The following RASL12 variants were observed in gnomAD, a reference collection of about 807,000 sequenced individuals.
RASL12 encodes the protein RAS like family 12.
A neutral mutation model predicts 22.9 loss-of-function variants in RASL12; 16 were observed. That is an observed-to-expected ratio of 0.70 (90% CI 0.47 to 1.06). RASL12 has a LOEUF of 1.06. RASL12 is among the 50% of genes least tolerant of loss of function. The pLI is 0.00. For synonymous variants in RASL12, 159 were observed against 152.2 expected (o/e 1.04, Z -0.33); for missense variants, 306 against 353.1 (o/e 0.87, Z 1.07).
intron 1 of RASL12, among the ~76,000 whole-genome samples, chr15:65,076,225 C>T (rs1026267444): frequency 1.2e-4 from 18 of 152,202 alleles, no homozygotes; most frequent in African/African-American, 3.9e-4. Context: ...TATTCTTTTC[C>T]TCTTTGCAAT....
At chr15:65,052,904 G>A (rs1191696071), downstream of RASL12, 4 of 1,532,084 alleles carry the variant, frequency 2.6e-6, no homozygotes, top group East Asian at 9.0e-5. Flanking sequence ...AGCCATTTGG[G>A]CGACCCAGTC....
At chr15:65,052,937 C>A (rs373294508), downstream of RASL12, 9 of 1,558,240 alleles carry the variant, frequency 5.8e-6, 1 homozygote, top group South Asian at 4.5e-5. Flanking sequence ...CTCAGCCCCC[C>A]TCATTAACAC....
At chr15:65,051,730 T>A (rs1251135542), downstream of RASL12, 4 of 783,752 alleles carry the variant, frequency 5.1e-6, no homozygotes, top group Non-Finnish European at 8.4e-6. Context: ...ACAGCAAAAT[T>A]CAGCCTTCAG....
Position 65,053,578 on chromosome 15 carries a change from G to C in RASL12, c.*1321C>G. 3 of 1,003,728 alleles carry C rather than the reference G, an allele frequency of 3.0e-6. No homozygotes were observed. Among genetic ancestry groups the C allele is most frequent in the Non-Finnish European group, 3.6e-6 (3 of 841,534 alleles). The allele number at this position is 1,003,728 out of a possible 1,614,324, so 62.2% of individuals were successfully genotyped here. A position where few individuals can be genotyped will look rare whatever the true frequency, so the allele number is the denominator to read the frequency against. On this transcript the variant is annotated 3_prime_UTR_variant, in exon 5 of 5. Transcript: ENST00000220062. The stretch of plus-strand genomic sequence containing the variant: ...CCTCCATTTACAGAATGAGTCCGAA[G>C]ACTGGGTCAGAGATGCTGTTTGCAA...
At chr15:65,075,456 C>T (rs2086960653) in intron 1 of RASL12, among the ~76,000 whole-genome samples, 1 of 152,258 alleles carries the variant, frequency 6.6e-6, no homozygotes. Flanking sequence ...AGCCCTGGTG[C>T]AGGATCCACT....
chr15:65,064,033 A>C (rs1006980654), intron 2 of RASL12, among the ~76,000 whole-genome samples: 1 of 152,234 alleles, frequency 6.6e-6, no homozygotes, highest in Non-Finnish European at 1.5e-5. Context: ...CCATTTTCTA[A>C]AGGCTAAGAT....
chr15:65,050,836 C>CCTTTTTTTTTTTTTTTT (rs2086642864), downstream of RASL12, among the ~76,000 whole-genome samples: 1 of 95,650 alleles, frequency 1.0e-5, no homozygotes, highest in Non-Finnish European at 1.9e-5. Context: ...TCTTCTTCTT[C>CCTTTTTTTTTTTTTTTT]TTTTTTTTTT....
At chr15:65,060,194 T>G (rs1260721121) in intron 2 of RASL12, among the ~76,000 whole-genome samples, 1 of 152,236 alleles carries the variant, frequency 6.6e-6, no homozygotes, top group Admixed American at 6.5e-5. Flanking sequence ...CTGTAAGAAC[T>G]GGATGGGCCC....
downstream of RASL12, chr15:65,049,457 C>G (rs183280098): frequency 3.3e-5 from 5 of 152,304 alleles, no homozygotes; most frequent in African/African-American, 9.6e-5. Flanking sequence ...CGTAGGCGTG[C>G]CAATCCCCAG....
chr15:65,057,611 G>A (rs749518412), intron 4 of RASL12, among the ~76,000 whole-genome samples: 49 of 152,194 alleles, frequency 3.2e-4, no homozygotes, highest in Middle Eastern at 6.8e-3. Flanking sequence ...CCTCCGATTC[G>A]AGTCCAACCC....
intron 2 of RASL12, among the ~76,000 whole-genome samples, chr15:65,063,535 T>C (rs1405190532): frequency 6.6e-6 from 1 of 152,190 alleles, no homozygotes; most frequent in Non-Finnish European, 1.5e-5. Flanking sequence ...TTCAGCTCCT[T>C]GGGCCTGTTT....
At chr15:65,068,216 A>T (rs1333473034), upstream of RASL12, 6 of 991,320 alleles carry the variant, frequency 6.1e-6, no homozygotes, top group Non-Finnish European at 7.2e-6. The surrounding 1 kb of genome is among the most constrained non-coding windows in gnomAD (Gnocchi z 4.2). Flanking sequence ...GAAGGAGCAG[A>T]GAAGGAGCCC....
downstream of RASL12, chr15:65,049,483 G>A (rs1322396446): frequency 6.6e-6 from 1 of 152,220 alleles, no homozygotes; most frequent in Non-Finnish European, 1.5e-5. Context: ...AGGCGTGATA[G>A]GCCCAGCCTT....
chr15:65,062,547 G>A (rs1316279039), intron 2 of RASL12, among the ~76,000 whole-genome samples: 3 of 152,184 alleles, frequency 2.0e-5, no homozygotes, highest in African/African-American at 7.2e-5. Context: ...CCTATAAAAT[G>A]AGGATCGTGA....
downstream of RASL12, among the ~76,000 whole-genome samples, chr15:65,048,478 C>T (rs1251205404): frequency 6.6e-6 from 1 of 152,134 alleles, no homozygotes; most frequent in African/African-American, 2.4e-5. Flanking sequence ...TGTCCAAAGG[C>T]TATTTGGGGC....
rs551255345 is a variant in RASL12 at position 65,076,644 on chromosome 15, C to G, written c.-46G>C. On this transcript the variant is annotated 5_prime_UTR_variant, in exon 1 of 5. Coordinates refer to the RASL12 transcript ENST00000434605. ...ATCACACAGGTCTCCAGATGCCCTC[C>G]GGGCCTGCAGCCATACAGCCTGCGG... 8 of 712,810 alleles carry G rather than the reference C, an allele frequency of 1.1e-5. No individual in the cohort carries two copies. In the African/African-American group the frequency reaches 1.2e-4, roughly 11 times the overall value. 44.2% of individuals were successfully genotyped at this position (712,810 alleles called of 1,614,324 possible).
downstream of RASL12, among the ~76,000 whole-genome samples, chr15:65,050,830 C>CTTTTTTTTTTTTT (rs1206139825): frequency 4.1e-5 from 2 of 48,534 alleles, no homozygotes; most frequent in African/African-American, 1.1e-4. Flanking sequence ...CTTTCTTCTT[C>CTTTTTTTTTTTTT]TTCTTCTTTT....
intron 1 of RASL12, among the ~76,000 whole-genome samples, chr15:65,066,375 A>C (rs898395531): frequency 3.3e-5 from 5 of 152,146 alleles, no homozygotes; most frequent in Non-Finnish European, 7.3e-5. Context: ...AAAATTAACC[A>C]GGCATGGTGG....
At chr15:65,072,371 G>A (rs1243090409), upstream of RASL12, among the ~76,000 whole-genome samples, 2 of 152,206 alleles carry the variant, frequency 1.3e-5, no homozygotes, top group Non-Finnish European at 2.9e-5. Flanking sequence ...TCCCTAGCAG[G>A]GGAGGCACAT....
Sources: allele counts gnomAD v4.1 joint callset (sites outside exome capture counted in the v4.1 genomes callset), GRCh38; gene constraint gnomAD v4.1.1; non-coding constraint Gnocchi (gnomAD v3.1); transcripts MANE v1.5; gene names NCBI Gene and HGNC (gene_info 2026-07-23, HGNC 2026-07-21).